Variants in SGCZ observed in about 807,000 individuals in gnomAD.
SGCZ encodes the protein zeta-sarcoglycan.
A neutral mutation model predicts 41.3 loss-of-function variants in SGCZ; 40 were observed. That is an observed-to-expected ratio of 0.97 (90% CI 0.75 to 1.26). The LOEUF is 1.26. Among genes scored for constraint, SGCZ ranks in the 50% most tolerant of loss-of-function variants. The pLI is 0.00. For missense variants in SGCZ, 552 were observed against 369.8 expected, an observed-to-expected ratio of 1.49 and a Z score of -4.04; for synonymous variants, 206 against 137.5, an observed-to-expected ratio of 1.50 and a Z score of -3.49.
At chr8:15,128,214 G>A (rs1289080846) in intron 1 of SGCZ, among the ~76,000 whole-genome samples, 1 of 152,092 alleles carries the variant, frequency 6.6e-6, no homozygotes, top group Non-Finnish European at 1.5e-5. Context: ...GTTATTTTCA[G>A]TGCTCTCCCA....
At chr8:14,612,966 G>T (rs74867644) in intron 1 of SGCZ, among the ~76,000 whole-genome samples, 2 of 152,140 alleles carry the variant, frequency 1.3e-5, no homozygotes, top group African/African-American at 4.8e-5. Flanking sequence ...GATTACAGGC[G>T]TGAGCCACCA....
chr8:15,174,693 T>C (rs1173207696), intron 1 of SGCZ, among the ~76,000 whole-genome samples: 4 of 152,208 alleles, frequency 2.6e-5, no homozygotes, highest in Non-Finnish European at 4.4e-5. Flanking sequence ...TTTATCCACA[T>C]GCCTTCCAAC....
At chr8:14,789,212 A>G (rs1352512365) in intron 1 of SGCZ, among the ~76,000 whole-genome samples, 1 of 152,094 alleles carries the variant, frequency 6.6e-6, no homozygotes, top group Non-Finnish European at 1.5e-5. Context: ...CACCAGGAGC[A>G]CAAGATGCAA....
At chr8:14,198,216 A>G (rs991892126) in intron 4 of SGCZ, among the ~76,000 whole-genome samples, 2 of 152,178 alleles carry the variant, frequency 1.3e-5, no homozygotes, top group Non-Finnish European at 1.5e-5. Flanking sequence ...TTTGTCTAGC[A>G]TCTCCATGCT....
At chr8:14,931,189 C>T (rs1055640927) in intron 1 of SGCZ, among the ~76,000 whole-genome samples, 1 of 151,816 alleles carries the variant, frequency 6.6e-6, no homozygotes, top group East Asian at 1.9e-4. Context: ...TTGCTGGATT[C>T]TTGATTACAT....
chr8:15,188,857 G>T (rs1472585465), intron 1 of SGCZ, among the ~76,000 whole-genome samples: 1 of 152,036 alleles, frequency 6.6e-6, no homozygotes, highest in Non-Finnish European at 1.5e-5. Flanking sequence ...AAGGCAGAGA[G>T]GAAGGGAATC....
At chr8:14,242,120 A>T (rs773989636) in intron 3 of SGCZ, among the ~76,000 whole-genome samples, 40 of 152,126 alleles carry the variant, frequency 2.6e-4, no homozygotes, top group Non-Finnish European at 5.4e-4. Flanking sequence ...GAGAATATTA[A>T]CAGGAACAGG....
rs191519241 is a variant in SGCZ, at chr8:14,598,301, C to T, written c.40-43375G>A. Among the ~76,000 whole-genome samples, 330 of 151,772 alleles carry T rather than the reference C, an allele frequency of 2.2e-3. 1 individual carries two copies. The highest frequency in any genetic ancestry group is 0.01 in the Middle Eastern group (3 of 294). On this transcript the variant is annotated intron_variant, in intron 1 of 7. Coordinates refer to ENST00000382080, the MANE Select transcript of SGCZ (RefSeq NM_139167.4). The stretch of plus-strand genomic sequence containing the variant: ...TAATTATATTTGAATTTAATGTTTT[C>T]TTGCGAGTTTGCATATGTCGTTGTA...
intron 1 of SGCZ, among the ~76,000 whole-genome samples, chr8:14,724,237 A>G (rs998455979): frequency 1.3e-5 from 2 of 152,182 alleles, no homozygotes; most frequent in Non-Finnish European, 2.9e-5. Flanking sequence ...GACTGGAAAC[A>G]ATGCTAAAGA....
intron 1 of SGCZ, among the ~76,000 whole-genome samples, chr8:15,019,822 TA>T (rs1803185928): frequency 1.3e-5 from 2 of 149,802 alleles, no homozygotes; most frequent in South Asian, 4.3e-4. Flanking sequence ...GAAAGCAGCA[TA>T]TTTAGGAAAA....
Position 14,984,068 on chromosome 8 carries a change from C to T in SGCZ, c.39+253517G>A, listed in dbSNP as rs1052766982. 1.2e-4 allele frequency among the ~76,000 whole-genome samples: 18 copies of T among 152,206 alleles called. No individual in the cohort carries two copies. In the South Asian group the frequency reaches 2.9e-3, roughly 25 times the overall value. The stretch of plus-strand genomic sequence containing the variant: ...AATGGCAGTGATTCATCAAAATTAA[C>T]TTGAAAGACATCTTTACTCTTTTAT... On this transcript the variant is annotated intron_variant, in intron 1 of 7. Transcript: ENST00000382080.
intron 1 of SGCZ, among the ~76,000 whole-genome samples, chr8:15,114,315 C>T (rs374260677): frequency 4.9e-4 from 75 of 152,242 alleles, no homozygotes; most frequent in African/African-American, 1.6e-3. Context: ...AAATCATTTT[C>T]CTTCCACAAT....
intron 1 of SGCZ, among the ~76,000 whole-genome samples, chr8:14,559,538 G>C (rs1804144157): frequency 6.6e-6 from 1 of 152,184 alleles, no homozygotes; most frequent in South Asian, 2.1e-4. Flanking sequence ...AATCAATATT[G>C]TGAAAACGAC....
chr8:14,476,754 T>C (rs976202266), intron 2 of SGCZ, among the ~76,000 whole-genome samples: 1 of 152,196 alleles, frequency 6.6e-6, no homozygotes, highest in African/African-American at 2.4e-5. Context: ...CATGATGAAG[T>C]TGTGACAAGT....
At chr8:14,885,238 G>A (rs575655038) in intron 1 of SGCZ, among the ~76,000 whole-genome samples, 1 of 152,122 alleles carries the variant, frequency 6.6e-6, no homozygotes, top group African/African-American at 2.4e-5. Flanking sequence ...GAAAGACATT[G>A]AGTTTTACCT....
intron 3 of SGCZ, among the ~76,000 whole-genome samples, chr8:14,313,941 TGTGTGTG>T: frequency 6.6e-6 from 1 of 151,422 alleles, no homozygotes; most frequent in Admixed American, 6.6e-5. Flanking sequence ...TGTGTGTGTG[TGTGTGTG>T]TGTGTGTTGG....
intron 2 of SGCZ, among the ~76,000 whole-genome samples, chr8:14,527,750 T>A (rs2117116774): frequency 6.6e-6 from 1 of 152,232 alleles, no homozygotes; most frequent in East Asian, 1.9e-4. Flanking sequence ...TACCACTGCG[T>A]CTAACAGCCC....
chr8:14,278,780 A>T (rs1233225038), intron 3 of SGCZ, among the ~76,000 whole-genome samples: 2 of 152,118 alleles, frequency 1.3e-5, no homozygotes, highest in East Asian at 3.9e-4. Flanking sequence ...CCTCATAAAA[A>T]GAGGCTGGTA....
At chr8:14,637,828 A>T (rs918443904) in intron 1 of SGCZ, among the ~76,000 whole-genome samples, 2 of 151,840 alleles carry the variant, frequency 1.3e-5, no homozygotes, top group African/African-American at 4.8e-5. Flanking sequence ...TTCTTTGAGT[A>T]TATATCCAGT....
Sources: gnomAD v4.1 joint callset for allele counts (sites outside exome capture counted in the v4.1 genomes callset) on GRCh38, gnomAD v4.1.1 for gene constraint, MANE v1.5 for transcripts, NCBI Gene and HGNC (gene_info 2026-07-23, HGNC 2026-07-21) for gene names.